Variants in DENND1B observed in about 807,000 individuals in gnomAD.
DENND1B encodes DENN domain-containing protein 1B.
DENND1B carries 59 observed loss-of-function variants against 90.1 expected under a neutral mutation model. The ratio of observed to expected loss-of-function variants is 0.65; its 90% CI spans 0.53 to 0.81. DENND1B has a LOEUF of 0.81. Among genes scored for constraint, DENND1B ranks in the 40% least tolerant of loss-of-function variants. The pLI, the probability that DENND1B is intolerant of heterozygous loss-of-function variation, is 0.00. For synonymous variants in DENND1B, 337 were observed against 324.6 expected (o/e 1.04, Z -0.41); for missense variants, 862 against 912.6 (o/e 0.94, Z 0.71).
chr1:197,770,686 CTATAAATATATATCTATAAATA>C (rs1656376856), intron 2 of DENND1B, among the ~76,000 whole-genome samples: 4 of 131,578 alleles, frequency 3.0e-5, no homozygotes, highest in Admixed American at 7.9e-5. Flanking sequence ...ATATACATAT[CTATAAATATATATCTATAAATA>C]TATAAATATA....
intron 20 of DENND1B, among the ~76,000 whole-genome samples, chr1:197,523,745 A>G (rs1327784647): frequency 1.3e-5 from 2 of 152,192 alleles, no homozygotes; most frequent in Admixed American, 6.5e-5. Context: ...TTATACAAAC[A>G]GCATGATAGA....
At chr1:197,548,489 G>C (rs183662616) in intron 16 of DENND1B, among the ~76,000 whole-genome samples, 3 of 152,126 alleles carry the variant, frequency 2.0e-5, no homozygotes, top group African/African-American at 7.2e-5. Context: ...ACAATGTTTA[G>C]TATGGTACAT....
intron 2 of DENND1B, chr1:197,735,453 T>C: frequency 6.6e-7 from 1 of 1,508,488 alleles, no homozygotes; most frequent in Middle Eastern, 1.8e-4. Flanking sequence ...TCATGGGTTC[T>C]CGGGTACATT....
chr1:197,658,504 C>CA, intron 5 of DENND1B, 135 bp from the exon 6 acceptor site: 1 of 547,460 alleles, frequency 1.8e-6, no homozygotes, highest in South Asian at 3.6e-5. Context: ...ATTTTCTTTA[C>CA]TTTTTCAGCA....
chr1:197,658,995 T>A (rs377718473), intron 5 of DENND1B, among the ~76,000 whole-genome samples: 1 of 150,976 alleles, frequency 6.6e-6, no homozygotes, highest in African/African-American at 2.4e-5. Context: ...AAATCATTTA[T>A]ATAAAACAAA....
At position 197,716,888 on chromosome 1, in the gene DENND1B, G is replaced by A. The variant is rs139375803; in HGVS notation, c.83-1814C>T. The stretch of plus-strand genomic sequence containing the variant: ...ATTGAATAGCTTACAGTTTGCCCTT[G>A]CTGTTTGTAGCATTTACCTAAATAT... On this transcript the variant is annotated intron_variant, in intron 2 of 22. Transcript: ENST00000620048. Among the ~76,000 whole-genome samples the A allele has an allele frequency of 2.0e-5, 3 of 151,956 alleles. No homozygotes were observed. The East Asian group carries it at 5.8e-4, about 29-fold the overall frequency.
chr1:197,570,117 G>GCA (rs1237484382), intron 15 of DENND1B, among the ~76,000 whole-genome samples: 1 of 151,184 alleles, frequency 6.6e-6, no homozygotes. Context: ...TAATGGCCAG[G>GCA]CACACTGGTT....
intron 3 of DENND1B, among the ~76,000 whole-genome samples, chr1:197,680,916 T>C (rs1656619220): frequency 1.3e-5 from 2 of 151,994 alleles, no homozygotes; most frequent in Admixed American, 6.6e-5. Context: ...TAAGTGAAAA[T>C]AAAATAAAAA....
intron 3 of DENND1B, among the ~76,000 whole-genome samples, chr1:197,680,855 T>C (rs1156667582): frequency 6.6e-6 from 1 of 152,108 alleles, no homozygotes; most frequent in Non-Finnish European, 1.5e-5. Flanking sequence ...AAAATTACTG[T>C]CTATCTCATA....
intron 20 of DENND1B, among the ~76,000 whole-genome samples, chr1:197,518,491 C>G (rs1668553646): frequency 1.3e-5 from 2 of 151,828 alleles, no homozygotes; most frequent in South Asian, 4.1e-4. Context: ...GGAACCTTAG[C>G]AAATTTGGAG....
intron 15 of DENND1B, among the ~76,000 whole-genome samples, chr1:197,554,232 T>G (rs1671508411): frequency 1.3e-5 from 2 of 151,972 alleles, no homozygotes; most frequent in Non-Finnish European, 2.9e-5. Flanking sequence ...ACTCCATCCA[T>G]AATTATGATG....
intron 1 of DENND1B, chr1:197,774,406 G>A (rs1657006147): frequency 1.3e-5 from 2 of 152,126 alleles, no homozygotes. Flanking sequence ...CCAAAGTTAA[G>A]TTTCAGAAGA....
At chr1:197,760,956 G>T (rs778050078) in intron 2 of DENND1B, among the ~76,000 whole-genome samples, 1 of 152,096 alleles carries the variant, frequency 6.6e-6, no homozygotes, top group African/African-American at 2.4e-5. Context: ...ATCATTAAAA[G>T]TTGGAAGCTA....
chr1:197,655,202 C>A (rs1285639406), intron 6 of DENND1B, among the ~76,000 whole-genome samples: 1 of 152,136 alleles, frequency 6.6e-6, no homozygotes, highest in East Asian at 1.9e-4. Context: ...CACACAGAAT[C>A]CAGTGAACAA....
intron 2 of DENND1B, among the ~76,000 whole-genome samples, chr1:197,740,026 C>T (rs983716259): frequency 6.6e-6 from 1 of 152,176 alleles, no homozygotes; most frequent in African/African-American, 2.4e-5. Flanking sequence ...ATCACTACAG[C>T]CCTGAACTTG....
intron 16 of DENND1B, among the ~76,000 whole-genome samples, chr1:197,551,057 A>T (rs1360582447): frequency 6.8e-6 from 1 of 147,456 alleles, no homozygotes; most frequent in African/African-American, 2.5e-5. Flanking sequence ...TTTGGAACTG[A>T]CCTCTAGGAA....
At chr1:197,658,566 G>A (rs759556087) in intron 5 of DENND1B, among the ~76,000 whole-genome samples, 197 bp from the exon 6 acceptor site, 4 of 151,602 alleles carry the variant, frequency 2.6e-5, no homozygotes, top group Non-Finnish European at 3.0e-5. Context: ...TCAGAATCTA[G>A]AGTTCTATTT....
At chr1:197,543,879 TA>T (rs1222638818) in intron 18 of DENND1B, among the ~76,000 whole-genome samples, 1 of 152,170 alleles carries the variant, frequency 6.6e-6, no homozygotes, top group Non-Finnish European at 1.5e-5. Flanking sequence ...ACAGAAGTTC[TA>T]AACTTTTATT....
intron 2 of DENND1B, among the ~76,000 whole-genome samples, chr1:197,768,774 C>A (rs1014357809): frequency 2.0e-5 from 3 of 151,930 alleles, no homozygotes; most frequent in Non-Finnish European, 2.9e-5. Context: ...TACTACCAAC[C>A]CCTCTTATGG....
Sources: gnomAD v4.1 joint callset for allele counts (sites outside exome capture counted in the v4.1 genomes callset) on GRCh38, gnomAD v4.1.1 for gene constraint, MANE v1.5 for transcripts, NCBI Gene and HGNC (gene_info 2026-07-23, HGNC 2026-07-21) for gene names.